Variants in GALNT13 observed in about 807,000 individuals in gnomAD.
GALNT13 encodes polypeptide N-acetylgalactosaminyltransferase 13.
In GALNT13, 28 loss-of-function variants were observed where a neutral mutation model predicts 64.2. That is an observed-to-expected ratio of 0.44 (90% CI 0.32 to 0.60). The LOEUF is 0.60. Ranked by LOEUF, GALNT13 falls within the 20% of genes least tolerant of loss-of-function variation. The probability of loss-of-function intolerance (pLI) is 0.05; values close to 1 mark genes in which losing one functional copy is unlikely to be tolerated. For missense variants in GALNT13, 577 were observed against 669.8 expected (o/e 0.86, Z 1.53); for synonymous variants, 214 against 224.6 (o/e 0.95, Z 0.42).
intron 3 of GALNT13, among the ~76,000 whole-genome samples, chr2:154,107,458 C>T (rs1356033884): frequency 6.6e-6 from 1 of 151,648 alleles, no homozygotes; most frequent in South Asian, 2.1e-4. Context: ...GGCGTAGTGG[C>T]GCGTGCGTGT....
chr2:153,664,366 C>G, the GALNT13 span, among the ~76,000 whole-genome samples: 2 of 152,164 alleles, frequency 1.3e-5, no homozygotes, highest in African/African-American at 4.8e-5. Context: ...TTTGTTCTGC[C>G]TGGTCCCGCA....
At chr2:153,393,316 C>G in the GALNT13 span, among the ~76,000 whole-genome samples, 1 of 151,222 alleles carries the variant, frequency 6.6e-6, no homozygotes, top group African/African-American at 2.4e-5. Context: ...GGCAAAACAG[C>G]TCTCTCTAGT....
At chr2:153,551,955 C>T in the GALNT13 span, among the ~76,000 whole-genome samples, 2 of 151,930 alleles carry the variant, frequency 1.3e-5, no homozygotes, top group South Asian at 2.1e-4. Flanking sequence ...AGGATTGTGG[C>T]GTGAGTAAAA....
chr2:153,070,378 A>G, the GALNT13 span, among the ~76,000 whole-genome samples: 1 of 152,178 alleles, frequency 6.6e-6, no homozygotes, highest in East Asian at 1.9e-4. Flanking sequence ...ACTATTCCAT[A>G]TGATACTATA....
chr2:153,258,648 G>GTTTT, the GALNT13 span, among the ~76,000 whole-genome samples: 1 of 151,344 alleles, frequency 6.6e-6, no homozygotes, highest in African/African-American at 2.4e-5. Flanking sequence ...GATTTAATAT[G>GTTTT]TTTTTTTTCC....
chr2:154,134,162 A>G (rs961781697), intron 3 of GALNT13, among the ~76,000 whole-genome samples: 10 of 152,216 alleles, frequency 6.6e-5, no homozygotes, highest in Non-Finnish European at 1.5e-4. Context: ...TCCAAGAGGA[A>G]CAACAACTAC....
chr2:153,792,226 C>A, the GALNT13 span, among the ~76,000 whole-genome samples: 1 of 152,056 alleles, frequency 6.6e-6, no homozygotes, highest in Non-Finnish European at 1.5e-5. Flanking sequence ...TGTATTCAAC[C>A]AACTGAGGAT....
rs1470287361 is a variant in GALNT13, at chr2:154,421,769, T to C, written c.1395+12687T>C. 2.6e-5 allele frequency among the ~76,000 whole-genome samples: 4 copies of C among 152,108 alleles called. No homozygotes were observed. In the East Asian group the frequency reaches 7.7e-4, roughly 29 times the overall value. On this transcript the variant is annotated intron_variant, in intron 11 of 12. Transcript: ENST00000392825. ...TGGGTTTTTTCTTTTAATTACATCA[T>C]ATATAATTATACATGCAAGAAATAT... is the stretch of plus-strand genomic sequence containing the variant.
chr2:153,479,668 C>T, the GALNT13 span, among the ~76,000 whole-genome samples: 1 of 152,168 alleles, frequency 6.6e-6, no homozygotes. Flanking sequence ...AAGGGAATTG[C>T]TCATCAACAT....
chr2:154,025,314 C>T (rs1697872693), intron 3 of GALNT13, among the ~76,000 whole-genome samples: 1 of 152,166 alleles, frequency 6.6e-6, no homozygotes, highest in Admixed American at 6.6e-5. Context: ...TGGCTCCTCC[C>T]CCCATGTTTA....
intron 2 of GALNT13, among the ~76,000 whole-genome samples, chr2:153,911,122 C>T (rs535197795): frequency 1.8e-4 from 28 of 152,232 alleles, no homozygotes; most frequent in African/African-American, 6.0e-4. Flanking sequence ...GGTGTATATA[C>T]GTTTAGAATA....
chr2:154,277,810 A>G (rs993400500), intron 8 of GALNT13, among the ~76,000 whole-genome samples: 3 of 152,236 alleles, frequency 2.0e-5, no homozygotes, highest in African/African-American at 4.8e-5. Flanking sequence ...TTGATGCATT[A>G]GGAATTCTAA....
chr2:153,470,359 A>C, the GALNT13 span, among the ~76,000 whole-genome samples: 3 of 152,080 alleles, frequency 2.0e-5, no homozygotes, highest in Non-Finnish European at 2.9e-5. Context: ...GAAGGGTGTC[A>C]CTGGTCATTG....
the GALNT13 span, among the ~76,000 whole-genome samples, chr2:153,555,801 T>C: frequency 6.6e-6 from 1 of 152,244 alleles, no homozygotes; most frequent in Non-Finnish European, 1.5e-5. Flanking sequence ...TTTTAAAATT[T>C]GTAACTTAGC....
the GALNT13 span, among the ~76,000 whole-genome samples, chr2:153,088,553 T>C: frequency 1.3e-5 from 2 of 152,190 alleles, no homozygotes; most frequent in Admixed American, 1.3e-4. Context: ...GTGCTGTCAA[T>C]GGAGTATTAA....
the GALNT13 span, among the ~76,000 whole-genome samples, chr2:153,345,134 A>T: frequency 6.6e-6 from 1 of 152,344 alleles, no homozygotes; most frequent in Non-Finnish European, 1.5e-5. Flanking sequence ...TTCTAGGGCA[A>T]AGTCCTTTCA....
the GALNT13 span, among the ~76,000 whole-genome samples, chr2:153,482,078 T>C: frequency 6.6e-6 from 1 of 152,104 alleles, no homozygotes; most frequent in African/African-American, 2.4e-5. Flanking sequence ...CCAAAATAAA[T>C]GTCGTAAAAG....
chr2:154,142,057 A>G (rs1683286206), intron 4 of GALNT13, among the ~76,000 whole-genome samples: 1 of 152,166 alleles, frequency 6.6e-6, no homozygotes, highest in African/African-American at 2.4e-5. Flanking sequence ...CAGGTTTACA[A>G]ATATACTGCA....
At chr2:153,509,099 C>A in the GALNT13 span, among the ~76,000 whole-genome samples, 4 of 152,178 alleles carry the variant, frequency 2.6e-5, no homozygotes, top group Admixed American at 1.3e-4. Flanking sequence ...AACGTGATTA[C>A]CCGTCCAGGA....
Sources: allele counts gnomAD v4.1 joint callset (sites outside exome capture counted in the v4.1 genomes callset), GRCh38; gene constraint gnomAD v4.1.1; transcripts MANE v1.5; gene names NCBI Gene and HGNC (gene_info 2026-07-23, HGNC 2026-07-21).